IL1A: variants seen among roughly 807,000 people sequenced by gnomAD.
The protein encoded by IL1A is interleukin 1 alpha.
In IL1A, 16 loss-of-function variants were observed where a neutral mutation model predicts 22.2. That is an observed-to-expected ratio of 0.72 (90% confidence interval 0.49 to 1.09). The LOEUF (loss-of-function observed/expected upper bound fraction) is 1.09, where lower values mean the gene tolerates loss of function less well. Ranked by LOEUF, IL1A falls within the 50% of genes least tolerant of loss-of-function variation. IL1A has a pLI of 0.00. For synonymous variants in IL1A, 113 were observed against 118.5 expected (o/e 0.95, Z 0.30); for missense variants, 317 against 321.8 (o/e 0.99, Z 0.11).
At chr2:112,782,612 G>T in intron 3 of IL1A, 104 bp downstream of exon 3, 1 of 844,756 alleles carries the variant, frequency 1.2e-6, no homozygotes, top group Non-Finnish European at 2.0e-6. Context: ...TCTAGTGAGG[G>T]TAAAACAAAA....
chr2:112,775,351 A>C, intron 6 of IL1A, 84 bp from the exon 7 acceptor site: 1 of 1,047,664 alleles, frequency 9.5e-7, no homozygotes, highest in South Asian at 1.3e-5. Context: ...TTTGGCCTTC[A>C]TGAGAAACAG....
At position 112,774,866 on chromosome 2, in the gene IL1A, A is replaced by G. The variant is rs1053571348; in HGVS notation, c.*201T>C. On this transcript the variant is annotated 3_prime_UTR_variant, in exon 7 of 7. Transcript: ENST00000263339. The stretch of plus-strand genomic sequence containing the variant: ...ATAATTAAAATGATTGGTACTATGC[A>G]AAATATAGGGTGTTCTTTAAATAAC... 2.0e-5 allele frequency: 11 copies of G among 546,430 alleles called. No individual in the cohort carries two copies. The highest frequency in any genetic ancestry group is 1.2e-4 in the Admixed American group (4 of 32,170). 33.8% of individuals were successfully genotyped at this position (546,430 alleles called of 1,614,324 possible). A position where few individuals can be genotyped will look rare whatever the true frequency, so the allele number is the denominator to read the frequency against.
At chr2:112,781,414 C>T (rs1365552267) in intron 4 of IL1A, among the ~76,000 whole-genome samples, 190 bp downstream of exon 4, 5 of 152,172 alleles carry the variant, frequency 3.3e-5, no homozygotes, top group South Asian at 2.1e-4. Flanking sequence ...CAAGTATTCT[C>T]GATTCAGGCC....
chr2:112,774,378 C>CA lies in IL1A; in HGVS notation c.*688dup, dbSNP rs1022737811. ...ATTGTGGAGGATGCCTGGTCACACT[C>CA]AGAGGATGAAGGGGTTCCCATAAAT... is the stretch of plus-strand genomic sequence containing the variant. On this transcript the variant is annotated 3_prime_UTR_variant, in exon 7 of 7. Transcript: ENST00000263339. 2 of 151,402 alleles carry CA rather than the reference C, an allele frequency of 1.3e-5. No homozygotes were observed. The highest frequency in any genetic ancestry group is 4.8e-5 in the African/African-American group (2 of 41,264). 9.4% of individuals were successfully genotyped at this position (151,402 alleles called of 1,614,324 possible). A position where few individuals can be genotyped will look rare whatever the true frequency, so the allele number is the denominator to read the frequency against.
In IL1A at chr2:112,779,661, T is replaced by C. The variant is rs1397684554; in HGVS notation, c.325A>G (p.Ile109Val). The change falls in exon 5 of 7, where the codon ATC becomes GTC. Residue 109 changes from isoleucine to valine, a missense_variant. Ile to Val is a conservative substitution (Grantham distance 29, BLOSUM62 3). Transcript: ENST00000263339. ...AIANDSEEEIIKPRSAPFSFL... is the reference protein window; with the variant it reads ...AIANDSEEEIVKPRSAPFSFL... Reference sequence around the variant, plus strand: ...CTAAAAGGTGCTGACCTAGGCTTGATGATTTCTAAAACCATGATCACAAGT... The same window carrying C: ...CTAAAAGGTGCTGACCTAGGCTTGACGATTTCTAAAACCATGATCACAAGT... The C allele has an allele frequency of 1.2e-6, 2 of 1,600,066 alleles. No individual in the cohort carries two copies. The highest frequency in any genetic ancestry group is 1.7e-6 in the Non-Finnish European group (2 of 1,168,496).
In IL1A at chr2:112,783,781, G is replaced by A; in HGVS notation, c.-8-3C>T. The A allele has an allele frequency of 6.2e-7, 1 of 1,613,592 alleles. No homozygotes were observed. Among genetic ancestry groups the A allele is most frequent in the Non-Finnish European group, 8.5e-7 (1 of 1,179,506 alleles). ...TGGAACTTTGGCCATCTTGACTTCTGCAACAGAGAACACCAGCCACCATCA... is the reference window on the plus strand; with the variant it reads ...TGGAACTTTGGCCATCTTGACTTCTACAACAGAGAACACCAGCCACCATCA... On this transcript the variant is annotated splice_region_variant and splice_polypyrimidine_tract_variant and intron_variant, in intron 1 of 6. Transcript: ENST00000263339.
In IL1A at chr2:112,778,070, C is replaced by G; in HGVS notation, c.532G>C (p.Ala178Pro). Residue 178 changes from alanine to proline, a missense_variant, in exon 6 of 7, where the codon GCT (alanine) becomes CCT (proline). Ala to Pro is a conservative substitution (Grantham distance 27). Coordinates refer to ENST00000263339, the MANE Select transcript of IL1A (RefSeq NM_000575.5). ...MGAYKSSKDD[A>P]KITVILRISK... ...ATTCTTAGAATCACGGTAATTTTAG[C>G]ATCATCCTTTGATGACTTATAAGCA... The G allele has an allele frequency of 6.2e-7, 1 of 1,613,938 alleles. No individual in the cohort carries two copies. Among genetic ancestry groups the G allele is most frequent in the Non-Finnish European group, 8.5e-7 (1 of 1,179,836 alleles).
intron 4 of IL1A, among the ~76,000 whole-genome samples, chr2:112,780,107 G>A (rs1681171083): frequency 6.6e-6 from 1 of 152,180 alleles, no homozygotes. Context: ...ATGGCTCTGG[G>A]AAATTCTACT....
At chr2:112,782,106 T>G (rs571504946) in intron 3 of IL1A, among the ~76,000 whole-genome samples, 5 of 152,300 alleles carry the variant, frequency 3.3e-5, no homozygotes, top group African/African-American at 1.2e-4. Context: ...TTGTAGTGAG[T>G]GGTAGCTTTC....
intron 6 of IL1A, among the ~76,000 whole-genome samples, chr2:112,775,910 G>T (rs1374177068): frequency 1.3e-5 from 2 of 152,132 alleles, no homozygotes; most frequent in Non-Finnish European, 2.9e-5. Context: ...AAGTTGAGAT[G>T]CTTCTTTCCT....
intron 1 of IL1A, 57 bp from the exon 2 acceptor site, chr2:112,783,835 G>C: frequency 6.9e-7 from 1 of 1,458,586 alleles, no homozygotes; most frequent in South Asian, 1.1e-5. Flanking sequence ...CCAGATATCT[G>C]TGAGGGGAGC....
rs777778675 is a variant in IL1A at position 112,775,250 on chromosome 2, G to A, written c.633C>T (p.Pro211=). 1 of 1,613,732 alleles carries A rather than the reference G, an allele frequency of 6.2e-7. No individual in the cohort carries two copies. The highest frequency in any genetic ancestry group is 8.5e-7 in the Non-Finnish European group (1 of 1,179,616). ...TGGTCTCACTACCTGTGATGGTTTT[G>A]GGTATCTCAGGCATCTCCTATGAAG... ...PVLLKEMPEI[P]KTITGSETNL... Residue 211 remains proline (P), a synonymous_variant, in exon 7 of 7, where the codon CCC becomes CCT. Coordinates refer to ENST00000263339, the MANE Select transcript of IL1A (RefSeq NM_000575.5).
At chr2:112,777,849 G>T in intron 6 of IL1A, 138 bp downstream of exon 6, 1 of 779,804 alleles carries the variant, frequency 1.3e-6, no homozygotes, top group Non-Finnish European at 2.1e-6. Flanking sequence ...GAATCAATGG[G>T]AGTGGGGTGG....
At chr2:112,775,824 T>G (rs1391278988) in intron 6 of IL1A, among the ~76,000 whole-genome samples, 1 of 152,192 alleles carries the variant, frequency 6.6e-6, no homozygotes, top group African/African-American at 2.4e-5. Context: ...TTCAATATAC[T>G]CTTTAGAATG....
intron 3 of IL1A, 90 bp from the exon 4 acceptor site, chr2:112,781,916 G>A (rs1329007601): frequency 3.5e-6 from 3 of 853,352 alleles, no homozygotes; most frequent in East Asian, 5.0e-5. Flanking sequence ...CAGAGGTAGT[G>A]AGGAGGATCT....
At chr2:112,777,137 T>C (rs1207169792) in intron 6 of IL1A, among the ~76,000 whole-genome samples, 2 of 152,100 alleles carry the variant, frequency 1.3e-5, no homozygotes, top group Non-Finnish European at 2.9e-5. Flanking sequence ...TCTTGCTCTT[T>C]TGTTGGTTGT....
At chr2:112,775,338 G>T in intron 6 of IL1A, 71 bp from the exon 7 acceptor site, 2 of 1,248,950 alleles carry the variant, frequency 1.6e-6, no homozygotes, top group Non-Finnish European at 2.3e-6. Context: ...CAATCCCTTA[G>T]CATTTGGCCT....
chr2:112,781,931 T>A, intron 3 of IL1A, 105 bp from the exon 4 acceptor site: 1 of 762,112 alleles, frequency 1.3e-6, no homozygotes, highest in Non-Finnish European at 2.3e-6. Context: ...GGATCTCCAT[T>A]CTGGTCTTAG....
intron 1 of IL1A, 97 bp from the exon 2 acceptor site, chr2:112,783,875 G>T: frequency 9.7e-7 from 1 of 1,033,258 alleles, no homozygotes; most frequent in Non-Finnish European, 1.5e-6. Flanking sequence ...TGAAAACTTT[G>T]TTGAATGACT....
Sources: gnomAD v4.1 joint callset for allele counts (sites outside exome capture counted in the v4.1 genomes callset) on GRCh38, gnomAD v4.1.1 for gene constraint, MANE v1.5 for transcripts, NCBI Gene and HGNC (gene_info 2026-07-23, HGNC 2026-07-21) for gene names.